Variants in AGBL1 observed in about 807,000 individuals in gnomAD.
The protein encoded by AGBL1 is AGBL carboxypeptidase 1, also known as cytosolic carboxypeptidase 4.
A neutral mutation model predicts 118.9 loss-of-function variants in AGBL1; 130 were observed. The observed-to-expected ratio is 1.09, with a 90% CI of 0.95 to 1.26. AGBL1 has a LOEUF of 1.26. Ranked by LOEUF, AGBL1 falls within the 50% of genes most tolerant of loss-of-function variation. The pLI is 0.00. For missense variants in AGBL1, 1,584 were observed against 1,298.1 expected, an observed-to-expected ratio of 1.22 and a Z score of -3.38; for synonymous variants, 555 against 478.9, an observed-to-expected ratio of 1.16 and a Z score of -2.08.
chr15:87,018,097 A>C (rs1463616007), intron 24 of AGBL1, among the ~76,000 whole-genome samples: 4 of 152,192 alleles, frequency 2.6e-5, no homozygotes, highest in Non-Finnish European at 4.4e-5. Flanking sequence ...GAATGAACAA[A>C]ACCTCCAAGA....
chr15:86,097,165 T>C (rs891687319), intron 1 of AGBL1, among the ~76,000 whole-genome samples: 3 of 152,192 alleles, frequency 2.0e-5, no homozygotes, highest in African/African-American at 7.2e-5. Flanking sequence ...TCCTGATTCT[T>C]TTTGATGTTT....
At chr15:86,404,153 A>G (rs1434342810) in intron 18 of AGBL1, among the ~76,000 whole-genome samples, 4 of 152,246 alleles carry the variant, frequency 2.6e-5, no homozygotes, top group East Asian at 3.9e-4. Context: ...GCTGACTCAG[A>G]TCTTCATATC....
intron 22 of AGBL1, among the ~76,000 whole-genome samples, chr15:86,877,577 C>G (rs912938055): frequency 2.6e-5 from 4 of 152,136 alleles, no homozygotes; most frequent in Non-Finnish European, 5.9e-5. Context: ...TGAGCCTCCC[C>G]TACAGGAAGG....
At chr15:86,940,635 G>A (rs977930624) in intron 23 of AGBL1, among the ~76,000 whole-genome samples, 1 of 152,310 alleles carries the variant, frequency 6.6e-6, no homozygotes, top group East Asian at 1.9e-4. Context: ...AGTCACTTAT[G>A]CTGAGGCTCC....
At chr15:86,825,625 T>C (rs939588224) in intron 22 of AGBL1, among the ~76,000 whole-genome samples, 2 of 70,564 alleles carry the variant, frequency 2.8e-5, no homozygotes, top group African/African-American at 1.1e-4. Flanking sequence ...ATCAGGAAAA[T>C]AAAAAAAGGA....
At chr15:86,925,588 A>G (rs1349160121) in intron 23 of AGBL1, among the ~76,000 whole-genome samples, 1 of 152,160 alleles carries the variant, frequency 6.6e-6, no homozygotes, top group Non-Finnish European at 1.5e-5. Flanking sequence ...TCATATTACT[A>G]TCTCAAGCCT....
At chr15:86,281,312 G>T (rs1190437985) in intron 16 of AGBL1, among the ~76,000 whole-genome samples, 6 of 152,168 alleles carry the variant, frequency 3.9e-5, no homozygotes, top group Non-Finnish European at 8.8e-5. Flanking sequence ...GGGCTCAGGA[G>T]GTTGAGGCTG....
chr15:86,385,022 G>A (rs1280880093), intron 17 of AGBL1, among the ~76,000 whole-genome samples: 1 of 152,082 alleles, frequency 6.6e-6, no homozygotes, highest in Non-Finnish European at 1.5e-5. Flanking sequence ...AGAGGGTCTA[G>A]GGCTGCATCT....
intron 22 of AGBL1, among the ~76,000 whole-genome samples, chr15:86,905,515 G>C (rs2080269953): frequency 6.6e-6 from 1 of 152,178 alleles, no homozygotes; most frequent in Non-Finnish European, 1.5e-5. Context: ...TCCACACCAT[G>C]TTTCACCATG....
At chr15:87,021,199 A>C (rs1011549589) in intron 24 of AGBL1, among the ~76,000 whole-genome samples, 1 of 151,582 alleles carries the variant, frequency 6.6e-6, no homozygotes, top group African/African-American at 2.4e-5. Flanking sequence ...TAAGACCTAC[A>C]ACCATCTGAT....
rs1271553407 is a variant in AGBL1, at chr15:86,529,334, G to A, written c.2685+6395G>A. On this transcript the variant is annotated intron_variant, in intron 19 of 22. Coordinates refer to ENST00000614907, the MANE Select transcript of AGBL1 (RefSeq NM_001386094.1). ...ATGCAGAAGCCTCAGGAGCCGATGC[G>A]ATCAACTGGAAGAAAGGGTATCAAC... Among the ~76,000 whole-genome samples the A allele has an allele frequency of 1.5e-4, 21 of 135,682 alleles. 3 individuals carry two copies. Among genetic ancestry groups the A allele is most frequent in the African/African-American group, 6.3e-4 (17 of 26,998 alleles). The allele number at this position is 135,682 out of a possible 152,430, so 89.0% of individuals were successfully genotyped here. A position where few individuals can be genotyped will look rare whatever the true frequency, so the allele number is the denominator to read the frequency against.
chr15:86,315,071 G>A (rs2079980664), intron 17 of AGBL1, among the ~76,000 whole-genome samples: 1 of 152,200 alleles, frequency 6.6e-6, no homozygotes, highest in African/African-American at 2.4e-5. Context: ...GAGGGTGCTT[G>A]TTAAATACTC....
At chr15:86,879,971 A>G (rs1461196984) in intron 22 of AGBL1, among the ~76,000 whole-genome samples, 2 of 152,190 alleles carry the variant, frequency 1.3e-5, no homozygotes, top group East Asian at 3.9e-4. Flanking sequence ...CAAATAGCAG[A>G]TGCAGGAGAT....
At position 86,725,687 on chromosome 15, in the gene AGBL1, G is replaced by A. The variant is rs150664963; in HGVS notation, c.3158+51251G>A. ...TTCTTTCTACTGGTAGGTAGGACAT[G>A]GGGTGGTGTGAGCTACCACTAAGTC... On this transcript the variant is annotated intron_variant, in intron 22 of 22. Transcript: ENST00000614907. Among the ~76,000 whole-genome samples the A allele has an allele frequency of 6.1e-3, 925 of 152,290 alleles. 11 individuals carry two copies. Among genetic ancestry groups the A allele is most frequent in the African/African-American group, 0.021 (877 of 41,556 alleles).
At chr15:86,422,446 C>T (rs2081804409) in intron 18 of AGBL1, among the ~76,000 whole-genome samples, 1 of 152,128 alleles carries the variant, frequency 6.6e-6, no homozygotes, top group Admixed American at 6.5e-5. Flanking sequence ...ACAGCTAAAG[C>T]AGCGTTTAGA....
At chr15:86,145,704 G>C (rs956640854) in intron 3 of AGBL1, among the ~76,000 whole-genome samples, 1 of 152,148 alleles carries the variant, frequency 6.6e-6, no homozygotes, top group East Asian at 1.9e-4. Context: ...CAATTCGTTT[G>C]GTGAATATTC....
rs144027457 is a variant in AGBL1 at position 86,182,700 on chromosome 15, C to T, written c.488+23674C>T. On this transcript the variant is annotated intron_variant, in intron 5 of 22. Coordinates refer to ENST00000614907, the MANE Select transcript of AGBL1 (RefSeq NM_001386094.1). ...CTATTTCAGCATTGCAGAAGCAGAGCTGTTCTCTCAGTATTAGTTTTATTT... is the reference window on the plus strand; with the variant it reads ...CTATTTCAGCATTGCAGAAGCAGAGTTGTTCTCTCAGTATTAGTTTTATTT... Among the ~76,000 whole-genome samples, 383 of 152,196 alleles carry T rather than the reference C, an allele frequency of 2.5e-3. 4 individuals carry two copies. Among genetic ancestry groups the T allele is most frequent in the African/African-American group, 8.4e-3 (349 of 41,534 alleles).
chr15:86,436,616 C>T (rs2082003218), intron 18 of AGBL1, among the ~76,000 whole-genome samples: 2 of 152,128 alleles, frequency 1.3e-5, no homozygotes, highest in South Asian at 4.2e-4. Flanking sequence ...AGACCAGAGA[C>T]ATGACCTTTG....
intron 22 of AGBL1, among the ~76,000 whole-genome samples, chr15:86,830,128 C>G (rs1428008230): frequency 6.6e-6 from 1 of 151,870 alleles, no homozygotes; most frequent in Non-Finnish European, 1.5e-5. Context: ...ATTTTTAAAT[C>G]TTTTTTTGAG....
Sources: gnomAD v4.1 joint callset for allele counts (sites outside exome capture counted in the v4.1 genomes callset) on GRCh38, gnomAD v4.1.1 for gene constraint, MANE v1.5 for transcripts, NCBI Gene and HGNC (gene_info 2026-07-23, HGNC 2026-07-21) for gene names.